Variants in MOCOS observed in about 807,000 individuals in gnomAD.
MOCOS encodes molybdenum cofactor sulfurase.
MOCOS carries 86 observed loss-of-function variants against 83.6 expected under a neutral mutation model. That is an observed-to-expected ratio of 1.03 (90% CI 0.86 to 1.23). MOCOS has a LOEUF of 1.23. Among genes scored for constraint, MOCOS ranks in the 50% most tolerant of loss-of-function variants. The probability of loss-of-function intolerance (pLI) is 0.00; values close to 1 mark genes in which losing one functional copy is unlikely to be tolerated. For missense variants in MOCOS, 1,120 were observed against 1,126.9 expected (o/e 0.99, Z 0.09); for synonymous variants, 445 against 434.7 (o/e 1.02, Z -0.29).
At chr18:36,196,710 G>T (rs1216468434) in intron 2 of MOCOS, among the ~76,000 whole-genome samples, 3 of 151,958 alleles carry the variant, frequency 2.0e-5, no homozygotes, top group African/African-American at 7.3e-5. Flanking sequence ...CCGTGGGAAA[G>T]CCTGAGAGAT....
intron 9 of MOCOS, among the ~76,000 whole-genome samples, chr18:36,234,162 C>T (rs1484842740): frequency 6.6e-6 from 1 of 152,054 alleles, no homozygotes; most frequent in Non-Finnish European, 1.5e-5. Flanking sequence ...TTTATGGTTT[C>T]ATGTCTTAGA....
rs2091690909 is a variant in MOCOS at position 36,268,971 on chromosome 18, T to A, written c.*286T>A. On this transcript the variant is annotated 3_prime_UTR_variant, in exon 15 of 15. Transcript: ENST00000261326. Reference sequence around the variant, plus strand: ...TATAATCACTTGTAATCAGATGAAATTTTTAATGAAGTTCACTGGGAAGAT... The same window carrying A: ...TATAATCACTTGTAATCAGATGAAAATTTTAATGAAGTTCACTGGGAAGAT... 2.5e-6 allele frequency: 1 copy of A among 404,050 alleles called. No individual in the cohort carries two copies. Among genetic ancestry groups the A allele is most frequent in the South Asian group, 3.0e-5 (1 of 33,580 alleles). The allele number at this position is 404,050 out of a possible 1,614,324, so 25.0% of individuals were successfully genotyped here. A position where few individuals can be genotyped will look rare whatever the true frequency, so the allele number is the denominator to read the frequency against.
intron 9 of MOCOS, among the ~76,000 whole-genome samples, chr18:36,237,465 C>G (rs932852498): frequency 1.3e-5 from 2 of 152,214 alleles, no homozygotes; most frequent in Non-Finnish European, 2.9e-5. Context: ...ACCAGCCTTG[C>G]ATCCCAGGGA....
intron 9 of MOCOS, among the ~76,000 whole-genome samples, chr18:36,242,752 C>T (rs573627368): frequency 6.6e-6 from 1 of 152,234 alleles, no homozygotes; most frequent in South Asian, 2.1e-4. Flanking sequence ...GAGGAACTTC[C>T]AAACACTTAT....
At chr18:36,239,546 T>C (rs923868447) in intron 9 of MOCOS, among the ~76,000 whole-genome samples, 1 of 150,540 alleles carries the variant, frequency 6.6e-6, no homozygotes, top group African/African-American at 2.5e-5. Context: ...AACCCGACCT[T>C]TCTCTCTGGC....
Position 36,199,815 on chromosome 18 carries a change from C to T in MOCOS, c.432C>T (p.Arg144=), listed in dbSNP as rs756335430. 3.7e-6 allele frequency: 6 copies of T among 1,614,138 alleles called. No homozygotes were observed. The East Asian group carries it at 1.3e-4, about 36-fold the overall frequency. The stretch of plus-strand genomic sequence containing the variant: ...AGGGCCCAGAGAGCAGTGGGAGTCG[C>T]TTCTGTTACCTCACCGACAGCCACA... ...VSQGPESSGS[R]FCYLTDSHTS... The change falls in exon 4 of 15, where the codon CGC becomes CGT. Residue 144 remains arginine (R), a synonymous_variant. Transcript: ENST00000261326.
chr18:36,195,445 C>T (rs1487358960), intron 2 of MOCOS, 99 bp downstream of exon 2: 1 of 1,145,840 alleles, frequency 8.7e-7, no homozygotes, highest in East Asian at 2.4e-5. Context: ...ATATTCTGAC[C>T]ACAAAAAGCT....
intron 14 of MOCOS, among the ~76,000 whole-genome samples, chr18:36,267,072 T>C (rs1478015754): frequency 6.6e-6 from 1 of 152,220 alleles, no homozygotes; most frequent in Non-Finnish European, 1.5e-5. Context: ...CATGTATTTT[T>C]ATGCTTTCCA....
intron 1 of MOCOS, among the ~76,000 whole-genome samples, chr18:36,190,880 TA>T (rs989339490): frequency 2.0e-5 from 3 of 151,648 alleles, no homozygotes; most frequent in Admixed American, 6.6e-5. Flanking sequence ...ACTAAAAATA[TA>T]AAAAAATTAG....
rs557460839 is a variant in MOCOS at position 36,259,066 on chromosome 18, G to A, written c.2271-971G>A. ...AAGTTTTAAGATGTATTTTCAGTGC[G>A]TTCTTCTGGGTGGGGGTGGGGGGTG... On this transcript the variant is annotated intron_variant, in intron 12 of 14. Transcript: ENST00000261326. Among the ~76,000 whole-genome samples the A allele has an allele frequency of 3.6e-3, 323 of 88,606 alleles. 2 individuals carry two copies. The highest frequency in any genetic ancestry group is 0.014 in the African/African-American group (311 of 22,014). The allele number at this position is 88,606 out of a possible 152,430, so 58.1% of individuals were successfully genotyped here.
chr18:36,217,694 A>G (rs1469448908), intron 8 of MOCOS, among the ~76,000 whole-genome samples: 1 of 152,196 alleles, frequency 6.6e-6, no homozygotes, highest in Non-Finnish European at 1.5e-5. Context: ...TTCTCTCTGT[A>G]CTCAGAGAAA....
In MOCOS at chr18:36,220,061, AG is replaced by A; in HGVS notation, c.1806del (p.Arg602SerfsTer4). The A allele has an allele frequency of 6.2e-7, 1 of 1,612,976 alleles. No individual in the cohort carries two copies. Among genetic ancestry groups the A allele is most frequent in the Non-Finnish European group, 8.5e-7 (1 of 1,180,010 alleles). On this transcript the variant is annotated frameshift_variant, in exon 9 of 15. Transcript: ENST00000261326. LOFTEE classifies it high-confidence loss of function. ...IKSCAAFEVTRWPVGNQGLLY... is the reference protein window; with the variant it reads ...IKSCAAFEVTXWPVGNQGLLY... ...CGTCTACCTTTTTGTTTAGGTGACC[AG>A]GTGGCCTGTAGGAAACCAAGGGCTG...
chr18:36,214,269 A>AAAAAAAG (rs2091467426), intron 7 of MOCOS, among the ~76,000 whole-genome samples: 1 of 8,848 alleles, frequency 1.1e-4, no homozygotes, highest in Admixed American at 6.7e-3. Context: ...AAAAGAAAAG[A>AAAAAAAG]AAAAAAAGAA....
chr18:36,204,962 C>T lies in MOCOS; in HGVS notation c.1019-115C>T, dbSNP rs995021901. 8 of 945,770 alleles carry T rather than the reference C, an allele frequency of 8.5e-6. No homozygotes were observed. The South Asian group carries it at 1.1e-4, about 13-fold the overall frequency. 58.6% of individuals were successfully genotyped at this position (945,770 alleles called of 1,614,324 possible). A position where few individuals can be genotyped will look rare whatever the true frequency, so the allele number is the denominator to read the frequency against. On this transcript the variant is annotated intron_variant, in intron 5 of 14. Transcript: ENST00000261326. ...GAGCTGTGATCATACCACTGCACTC[C>T]AGCCTGGGTGACAGAGTGAGTGAGA...
intron 9 of MOCOS, among the ~76,000 whole-genome samples, chr18:36,222,889 C>T (rs899041951): frequency 3.3e-5 from 5 of 152,178 alleles, no homozygotes; most frequent in African/African-American, 7.2e-5. Context: ...CGTGAGCCAT[C>T]GCGCCCAGCC....
chr18:36,255,546 G>T (rs2091638456), intron 11 of MOCOS, among the ~76,000 whole-genome samples: 1 of 152,114 alleles, frequency 6.6e-6, no homozygotes, highest in African/African-American at 2.4e-5. Flanking sequence ...AGGAGACCTT[G>T]GCCTTTCCTC....
intron 7 of MOCOS, among the ~76,000 whole-genome samples, 166 bp downstream of exon 7, chr18:36,213,648 G>A (rs999252426): frequency 2.6e-4 from 40 of 152,350 alleles, no homozygotes; most frequent in African/African-American, 9.4e-4. Flanking sequence ...CTTCAAGAAG[G>A]CCGGGTGCGG....
chr18:36,221,627 CTGTT>C (rs2091496268), intron 9 of MOCOS, among the ~76,000 whole-genome samples: 1 of 151,194 alleles, frequency 6.6e-6, no homozygotes, highest in Non-Finnish European at 1.5e-5. Flanking sequence ...CTGTTCTGTT[CTGTT>C]CTGTTCTGTT....
chr18:36,263,139 T>A (rs1361401183), intron 13 of MOCOS, among the ~76,000 whole-genome samples: 4 of 152,196 alleles, frequency 2.6e-5, no homozygotes, highest in African/African-American at 9.7e-5. Context: ...AAGATGTTTG[T>A]TGATGATAAT....
Sources: allele counts gnomAD v4.1 joint callset (sites outside exome capture counted in the v4.1 genomes callset), GRCh38; gene constraint gnomAD v4.1.1; transcripts MANE v1.5; gene names NCBI Gene and HGNC (gene_info 2026-07-23, HGNC 2026-07-21).